Variants in ODAD1 observed in about 807,000 individuals in gnomAD.
The protein encoded by ODAD1 is outer dynein arm docking complex subunit 1.
A neutral mutation model predicts 67.2 loss-of-function variants in ODAD1; 49 were observed. The observed-to-expected ratio is 0.73, with a 90% CI of 0.58 to 0.92. The LOEUF is 0.92. ODAD1 is among the 40% of genes least tolerant of loss of function. The pLI, the probability that ODAD1 is intolerant of heterozygous loss-of-function variation, is 0.00. For missense variants in ODAD1, 897 were observed against 953.7 expected (o/e 0.94, Z 0.78); for synonymous variants, 345 against 393.7 (o/e 0.88, Z 1.46).
Position 48,296,811 on chromosome 19 carries a change from G to A in ODAD1, c.*165C>T. On this transcript the variant is annotated 3_prime_UTR_variant, in exon 16 of 16. Transcript: ENST00000674294. ...GAGAAAGGAACCGGGAGACACAGGTGAGGCGGTGATGAAGGGCAGATGAAA... is the reference window on the plus strand; with the variant it reads ...GAGAAAGGAACCGGGAGACACAGGTAAGGCGGTGATGAAGGGCAGATGAAA... 1 of 1,428,034 alleles carries A rather than the reference G, an allele frequency of 7.0e-7. No homozygotes were observed. The allele number at this position is 1,428,034 out of a possible 1,614,324, so 88.5% of individuals were successfully genotyped here.
intron 7 of ODAD1, among the ~76,000 whole-genome samples, chr19:48,310,510 G>A (rs987484163): frequency 7.2e-5 from 11 of 152,158 alleles, no homozygotes; most frequent in South Asian, 2.1e-4. Flanking sequence ...CCCTGACTTG[G>A]ATAACAGCAC....
intron 1 of ODAD1, 40 bp from the exon 2 acceptor site, chr19:48,320,851 C>G (rs1969013695): frequency 6.5e-6 from 1 of 153,970 alleles, no homozygotes; most frequent in African/African-American, 2.4e-5. Flanking sequence ...AGGACAGCGG[C>G]CAGGGAGGGA....
chr19:48,297,283 G>C lies in ODAD1; in HGVS notation c.1817C>G (p.Thr606Ser). 6.2e-7 allele frequency: 1 copy of C among 1,614,010 alleles called. No individual in the cohort carries two copies. Among genetic ancestry groups the C allele is most frequent in the East Asian group, 2.2e-5 (1 of 44,884 alleles). ...HVTFGGLSSS[T>S]GHLPSHITHG... is the part of the protein sequence containing the mutation. Reference sequence around the variant, plus strand: ...CGTGATGTGGCTGGGCAAATGCCCAGTGCTGGAGCTGAGGCCGCCAAAAGT... The same window carrying C: ...CGTGATGTGGCTGGGCAAATGCCCACTGCTGGAGCTGAGGCCGCCAAAAGT... The change falls in exon 16 of 16, where the codon ACT becomes AGT. Residue 606 changes from threonine (T) to serine (S), a missense_variant. Transcript: ENST00000674294.
intron 5 of ODAD1, among the ~76,000 whole-genome samples, chr19:48,315,041 G>A (rs898148706): frequency 3.3e-5 from 5 of 151,990 alleles, no homozygotes; most frequent in African/African-American, 1.2e-4. Flanking sequence ...TCTTTCAACT[G>A]CACATGAATC....
intron 6 of ODAD1, 38 bp downstream of exon 6, chr19:48,311,956 C>T (rs560925116): frequency 1.3e-6 from 2 of 1,544,856 alleles, no homozygotes; most frequent in East Asian, 2.4e-5. Context: ...CCCATAACCG[C>T]ACAATTCAGG....
At position 48,296,931 on chromosome 19, in the gene ODAD1, C is replaced by A. The variant is rs770497575; in HGVS notation, c.*45G>T. ...GGGGAAGTAGAGACACAAAAAAAGA[C>A]CCCACAGAGAGCCAGGGCAGGGTGG... On this transcript the variant is annotated 3_prime_UTR_variant, in exon 16 of 16. Transcript: ENST00000674294. 4.6e-6 allele frequency: 7 copies of A among 1,512,614 alleles called. No individual in the cohort carries two copies. In the East Asian group the frequency reaches 9.1e-5, roughly 20 times the overall value. The allele number at this position is 1,512,614 out of a possible 1,614,324, so 93.7% of individuals were successfully genotyped here. A position where few individuals can be genotyped will look rare whatever the true frequency, so the allele number is the denominator to read the frequency against.
intron 12 of ODAD1, 150 bp from the exon 13 acceptor site, chr19:48,298,490 GC>G (rs1046670428): frequency 9.7e-6 from 7 of 724,350 alleles, no homozygotes; most frequent in African/African-American, 8.8e-5. Context: ...AGCCAGCCAG[GC>G]AGGGGGACGG....
rs1968964815 is a variant in ODAD1, at chr19:48,318,646, C to G, written c.170+67G>C. 7.2e-6 allele frequency: 11 copies of G among 1,535,488 alleles called. No individual in the cohort carries two copies. In the South Asian group the frequency reaches 1.2e-4, roughly 17 times the overall value. On this transcript the variant is annotated intron_variant, in intron 4 of 15. Transcript: ENST00000674294. ...ACTCAGCATCACTAAAGGCAGGACC[C>G]AGGAGTCCAGTCTTCAGCCCCTCTG... is the stretch of plus-strand genomic sequence containing the variant.
In ODAD1 at chr19:48,303,569, C is replaced by T. The variant is rs45465703; in HGVS notation, c.988+81G>A. 28,547 of 1,556,156 alleles carry T rather than the reference C, an allele frequency of 0.018. 329 individuals carry two copies. The highest frequency in any genetic ancestry group is 0.077 in the Middle Eastern group (446 of 5,830). On this transcript the variant is annotated intron_variant, in intron 10 of 15. Coordinates refer to ENST00000674294, the MANE Select transcript of ODAD1 (RefSeq NM_001364171.2). Reference sequence around the variant, plus strand: ...GCACAGATGGAGGAGTTCCCCAGGGCCAGAGCTGAGGCCAGCCTGCACTGG... The same window carrying T: ...GCACAGATGGAGGAGTTCCCCAGGGTCAGAGCTGAGGCCAGCCTGCACTGG...
intron 5 of ODAD1, among the ~76,000 whole-genome samples, chr19:48,315,786 G>A (rs1355942221): frequency 2.6e-5 from 4 of 152,032 alleles, no homozygotes; most frequent in African/African-American, 9.7e-5. Flanking sequence ...AGGGGTATCT[G>A]GTTTCTTTCA....
intron 7 of ODAD1, among the ~76,000 whole-genome samples, chr19:48,310,728 T>C (rs1031379956): frequency 7.2e-5 from 11 of 152,182 alleles, no homozygotes; most frequent in Admixed American, 6.5e-5. Context: ...GAAAGATATA[T>C]AGGAGTTCTT....
intron 7 of ODAD1, among the ~76,000 whole-genome samples, chr19:48,307,257 A>C (rs561666697): frequency 6.6e-6 from 1 of 152,010 alleles, no homozygotes; most frequent in African/African-American, 2.4e-5. Context: ...AGCTGGTGAT[A>C]TTGGAATGGA....
intron 12 of ODAD1, among the ~76,000 whole-genome samples, chr19:48,301,898 G>A (rs1968473048): frequency 6.6e-6 from 1 of 150,454 alleles, no homozygotes; most frequent in African/African-American, 2.5e-5. Flanking sequence ...AGATGAAGGG[G>A]TAGATCCTGG....
intron 5 of ODAD1, among the ~76,000 whole-genome samples, chr19:48,317,121 G>A (rs1311856407): frequency 1.3e-5 from 2 of 152,088 alleles, no homozygotes; most frequent in Non-Finnish European, 2.9e-5. Context: ...TCAGCCTCAA[G>A]ACACGCACCA....
At chr19:48,299,054 C>T (rs916247999) in intron 12 of ODAD1, among the ~76,000 whole-genome samples, 5 of 152,252 alleles carry the variant, frequency 3.3e-5, no homozygotes, top group African/African-American at 1.2e-4. Context: ...CTGCCATCCC[C>T]ATTCCCAGAG....
intron 3 of ODAD1, 24 bp from the exon 4 acceptor site, chr19:48,318,836 A>C (rs576994879): frequency 6.9e-7 from 1 of 1,453,828 alleles, no homozygotes; most frequent in Admixed American, 2.0e-5. Flanking sequence ...CAGCCAAGGG[A>C]CTCAGCAGGG....
Position 48,305,401 on chromosome 19 carries a change from G to A in ODAD1, c.665+855C>T, listed in dbSNP as rs573991718. ...GCTGCACTATATATGTGCTAGATGC[G>A]CTTTTTTTTTTTTTTTCTCCTGAGA... On this transcript the variant is annotated intron_variant, in intron 8 of 15. Transcript: ENST00000674294. 5.4e-5 allele frequency among the ~76,000 whole-genome samples: 8 copies of A among 148,560 alleles called. No individual in the cohort carries two copies. In the South Asian group the frequency reaches 1.3e-3, roughly 24 times the overall value.
intron 7 of ODAD1, among the ~76,000 whole-genome samples, chr19:48,308,944 C>T (rs933289558): frequency 3.3e-5 from 5 of 152,034 alleles, no homozygotes; most frequent in South Asian, 2.1e-4. Flanking sequence ...CGGGGACAAG[C>T]GAGGGTCCTG....
At chr19:48,306,685 T>C (rs1313735570) in intron 7 of ODAD1, among the ~76,000 whole-genome samples, 2 of 152,108 alleles carry the variant, frequency 1.3e-5, no homozygotes, top group African/African-American at 4.8e-5. Context: ...ATAAAGGAAA[T>C]TAAATCAATA....
Sources: gnomAD v4.1 joint callset for allele counts (sites outside exome capture counted in the v4.1 genomes callset) on GRCh38, gnomAD v4.1.1 for gene constraint, MANE v1.5 for transcripts, NCBI Gene and HGNC (gene_info 2026-07-23, HGNC 2026-07-21) for gene names.